CFAP54: variants seen among roughly 807,000 people sequenced by gnomAD.
CFAP54 encodes cilia and flagella associated protein 54.
Under a neutral mutation model 370.4 loss-of-function variants are expected in CFAP54, and 290 were observed. That is an observed-to-expected ratio of 0.78 (90% CI 0.71 to 0.86). The LOEUF (loss-of-function observed/expected upper bound fraction) is 0.86. Ranked by LOEUF, CFAP54 falls within the 40% of genes least tolerant of loss-of-function variation. The probability of loss-of-function intolerance (pLI) is 0.00; values close to 1 mark genes in which losing one functional copy is unlikely to be tolerated. For synonymous variants in CFAP54, 1,206 were observed against 1,236.5 expected (o/e 0.98, Z 0.52); for missense variants, 3,399 against 3,528.7 (o/e 0.96, Z 0.93).
In CFAP54 at chr12:96,559,286, T is replaced by A. The variant is rs540251284; in HGVS notation, c.2410+4484T>A. ...CTTGAATTGTTTGTAATACAAAGGA[T>A]AAATGCTTGAGGGGATGGATACCCC... On this transcript the variant is annotated intron_variant, in intron 17 of 67. Transcript: ENST00000524981. Among the ~76,000 whole-genome samples, 3 of 152,276 alleles carry A rather than the reference T, an allele frequency of 2.0e-5. No homozygotes were observed. In the South Asian group the frequency reaches 6.2e-4, roughly 32 times the overall value.
chr12:96,523,107 T>C (rs1390495796), intron 8 of CFAP54, among the ~76,000 whole-genome samples: 2 of 152,192 alleles, frequency 1.3e-5, no homozygotes, highest in African/African-American at 4.8e-5. Context: ...TCTAGATGGA[T>C]ATACACCCTC....
chr12:96,833,025 T>C (rs1466301615), intron 66 of CFAP54, among the ~76,000 whole-genome samples: 2 of 152,236 alleles, frequency 1.3e-5, no homozygotes, highest in East Asian at 1.9e-4. Flanking sequence ...CCTTTGCCTA[T>C]GTTAACTCTT....
At chr12:96,849,852 G>A (rs1959485643) in intron 66 of CFAP54, among the ~76,000 whole-genome samples, 1 of 152,030 alleles carries the variant, frequency 6.6e-6, no homozygotes. Flanking sequence ...GCTCCTTCAA[G>A]TGTAACCTAG....
intron 50 of CFAP54, among the ~76,000 whole-genome samples, chr12:96,729,765 A>T (rs1957896372): frequency 6.6e-6 from 1 of 152,008 alleles, no homozygotes; most frequent in Non-Finnish European, 1.5e-5. Context: ...TGCAGAAATC[A>T]CCCGTCTTCT....
At chr12:96,643,664 A>AT (rs34478326) in intron 32 of CFAP54, among the ~76,000 whole-genome samples, 5,196 of 152,124 alleles carry the variant, frequency 0.034, 218 homozygotes, top group African/African-American at 0.098. Flanking sequence ...ATTTGAGTAT[A>AT]TTTTTTTCTG....
intron 19 of CFAP54, among the ~76,000 whole-genome samples, chr12:96,576,352 A>G (rs936465001): frequency 6.6e-5 from 10 of 151,682 alleles, no homozygotes; most frequent in Admixed American, 1.3e-4. Flanking sequence ...ATAAACATAT[A>G]AGATACACAA....
intron 50 of CFAP54, among the ~76,000 whole-genome samples, chr12:96,733,543 T>G (rs1033109027): frequency 6.1e-4 from 6 of 9,824 alleles, no homozygotes; most frequent in Admixed American, 1.2e-3. Flanking sequence ...ATCCTGTGGG[T>G]TTTTTTTTTT....
At chr12:96,638,209 G>GTGTA (rs1956682835) in intron 32 of CFAP54, among the ~76,000 whole-genome samples, 1 of 81,530 alleles carries the variant, frequency 1.2e-5, no homozygotes, top group Admixed American at 1.6e-4. Flanking sequence ...ATATGCATGT[G>GTGTA]TGTGTGTGTG....
At chr12:96,683,950 C>T (rs1004869075) in intron 40 of CFAP54, among the ~76,000 whole-genome samples, 1 of 152,146 alleles carries the variant, frequency 6.6e-6, no homozygotes, top group Non-Finnish European at 1.5e-5. Flanking sequence ...TGCCATCACA[C>T]TTGGGTAATT....
intron 67 of CFAP54, among the ~76,000 whole-genome samples, chr12:96,871,007 C>A (rs1163229925): frequency 6.6e-6 from 1 of 152,140 alleles, no homozygotes; most frequent in Non-Finnish European, 1.5e-5. Flanking sequence ...AATGACTGAA[C>A]TGAGGATTCA....
chr12:96,823,351 C>G (rs1333080010), intron 65 of CFAP54, among the ~76,000 whole-genome samples: 1 of 152,162 alleles, frequency 6.6e-6, no homozygotes, highest in Non-Finnish European at 1.5e-5. Flanking sequence ...GCTTATTCAT[C>G]ATTATATCGC....
chr12:96,607,873 C>G lies in CFAP54; in HGVS notation c.3639+9106C>G, dbSNP rs144785188. 3.1e-3 allele frequency among the ~76,000 whole-genome samples: 473 copies of G among 151,342 alleles called. 5 individuals carry two copies. Among genetic ancestry groups the G allele is most frequent in the East Asian group, 9.1e-3 (47 of 5,168 alleles). On this transcript the variant is annotated intron_variant, in intron 26 of 67. Coordinates refer to ENST00000524981, the MANE Select transcript of CFAP54 (RefSeq NM_001306084.2). ...TTGTAGAATCCTGAGGGAAAAAGACCGAGGTCCAAAAATTAATATCCAGGA... is the reference window on the plus strand; with the variant it reads ...TTGTAGAATCCTGAGGGAAAAAGACGGAGGTCCAAAAATTAATATCCAGGA...
At chr12:96,816,808 A>G (rs1440582703) in intron 64 of CFAP54, among the ~76,000 whole-genome samples, 2 of 152,142 alleles carry the variant, frequency 1.3e-5, no homozygotes, top group Non-Finnish European at 2.9e-5. Context: ...TTCAACTGTA[A>G]GCCTTTTCAC....
At chr12:96,658,926 C>A (rs1160462662) in intron 38 of CFAP54, among the ~76,000 whole-genome samples, 4 of 152,180 alleles carry the variant, frequency 2.6e-5, no homozygotes, top group African/African-American at 9.7e-5. Flanking sequence ...CAGTGTCTCC[C>A]ACTGTGCCCT....
At position 96,827,144 on chromosome 12, in the gene CFAP54, A is replaced by G. The variant is rs9706541; in HGVS notation, c.9097-1870A>G. Among the ~76,000 whole-genome samples, 204 of 76,846 alleles carry G rather than the reference A, an allele frequency of 2.7e-3. 9 individuals carry two copies. The Admixed American group carries it at 0.035, about 13-fold the overall frequency. 50.4% of individuals were successfully genotyped at this position (76,846 alleles called of 152,430 possible). A position where few individuals can be genotyped will look rare whatever the true frequency, so the allele number is the denominator to read the frequency against. On this transcript the variant is annotated intron_variant, in intron 65 of 67. Transcript: ENST00000524981. ...AATGTGCAATTATATGTGATTATAT[A>G]TAATGTGCAATTATATGTGATTATA...
chr12:96,821,685 A>G (rs916816137), intron 65 of CFAP54, among the ~76,000 whole-genome samples: 5 of 144,120 alleles, frequency 3.5e-5, no homozygotes, highest in Admixed American at 2.2e-4. Flanking sequence ...TTTCCACAAT[A>G]CTAATGAGCA....
At chr12:96,671,138 A>G (rs1957141299) in intron 39 of CFAP54, among the ~76,000 whole-genome samples, 1 of 151,930 alleles carries the variant, frequency 6.6e-6, no homozygotes, top group African/African-American at 2.4e-5. Flanking sequence ...ACGCCTGGCT[A>G]ATTTTTATAT....
At chr12:96,852,649 TAAAG>T (rs1324792961) in intron 66 of CFAP54, among the ~76,000 whole-genome samples, 3 of 151,992 alleles carry the variant, frequency 2.0e-5, no homozygotes, top group African/African-American at 7.2e-5. Flanking sequence ...GTACCAATCA[TAAAG>T]AAAAGACTGA....
At chr12:96,656,655 A>G (rs1221178431) in intron 36 of CFAP54, among the ~76,000 whole-genome samples, 2 of 152,250 alleles carry the variant, frequency 1.3e-5, no homozygotes, top group African/African-American at 4.8e-5. Context: ...TGCTGGGATT[A>G]CAGGCATGAG....
Sources: allele counts gnomAD v4.1 joint callset (sites outside exome capture counted in the v4.1 genomes callset), GRCh38; gene constraint gnomAD v4.1.1; transcripts MANE v1.5; gene names NCBI Gene and HGNC (gene_info 2026-07-23, HGNC 2026-07-21).